The following WNT16 variants were observed in gnomAD, a reference collection of about 807,000 sequenced individuals.
WNT16 encodes the protein protein Wnt-16.
WNT16 carries 20 observed loss-of-function variants against 35.4 expected under a neutral mutation model. That is an observed-to-expected ratio of 0.56 (90% confidence interval 0.40 to 0.82). WNT16 has a LOEUF of 0.82. Among genes scored for constraint, WNT16 ranks in the 40% least tolerant of loss-of-function variants. The pLI is 0.00. For synonymous variants in WNT16, 180 were observed against 179.2 expected (o/e 1.00, Z -0.03); for missense variants, 461 against 466.0 (o/e 0.99, Z 0.10).
upstream of WNT16, among the ~76,000 whole-genome samples, chr7:121,328,483 G>A (rs1010170840): frequency 2.0e-5 from 3 of 152,186 alleles, no homozygotes; most frequent in Admixed American, 2.0e-4. Context: ...GTGATTGTAA[G>A]CCTGACAGCA....
intron 3 of WNT16, among the ~76,000 whole-genome samples, chr7:121,338,676 A>T (rs1322241440): frequency 2.0e-5 from 3 of 152,214 alleles, no homozygotes; most frequent in African/African-American, 7.2e-5. Context: ...AGGGTCAAGA[A>T]ATTTGGACAA....
chr7:121,329,789 C>T lies in WNT16; in HGVS notation c.318C>T (p.Ser106=), dbSNP rs756728684. The stretch of plus-strand genomic sequence containing the variant: ...CCACTACCGCCCCGATGGGCGCCAG[C>T]CCCCTCTTTGGCTACGAGCTGAGCA... ...AAATTAPMGA[S]PLFGYELSSG... is the part of the protein sequence containing the mutation. The change falls in exon 2 of 4, where the codon AGC becomes AGT. Residue 106 remains serine, a synonymous_variant. Transcript: ENST00000222462. 1.6e-4 allele frequency: 255 copies of T among 1,606,198 alleles called. No individual in the cohort carries two copies. The highest frequency in any genetic ancestry group is 2.0e-4 in the Non-Finnish European group (232 of 1,179,990).
chr7:121,329,495 A>G, intron 1 of WNT16, 72 bp from the exon 2 acceptor site: 1 of 1,598,920 alleles, frequency 6.3e-7, no homozygotes, highest in South Asian at 1.1e-5. Flanking sequence ...CCCTTAGACG[A>G]GTGACCTAAT....
intron 3 of WNT16, among the ~76,000 whole-genome samples, chr7:121,332,992 T>A (rs1793378479): frequency 6.6e-6 from 1 of 152,034 alleles, no homozygotes; most frequent in South Asian, 2.1e-4. Flanking sequence ...GTTGACTTAG[T>A]TGGCAATTCA....
At position 121,329,898 on chromosome 7, in the gene WNT16, T is replaced by G. The variant is rs1409416436; in HGVS notation, c.346+81T>G. On this transcript the variant is annotated intron_variant, in intron 2 of 3. Transcript: ENST00000222462. ...CGGTTCCTGCAAATAAAGTAAATAG[T>G]GCTACGTGGTCCTGTAGCTCTCTAA... is the stretch of plus-strand genomic sequence containing the variant. 3.2e-6 allele frequency: 5 copies of G among 1,540,292 alleles called. No homozygotes were observed. In the Admixed American group the frequency reaches 5.5e-5, roughly 17 times the overall value.
chr7:121,339,166 G>A lies in WNT16; in HGVS notation c.919G>A (p.Gly307Ser). 1 of 1,614,188 alleles carries A rather than the reference G, an allele frequency of 6.2e-7. No homozygotes were observed. ...GAAACTGGGAATCCCAGGGACACAAGGCAGAGAATGCAACCGTACATCAGA... is the reference window on the plus strand; with the variant it reads ...GAAACTGGGAATCCCAGGGACACAAAGCAGAGAATGCAACCGTACATCAGA... Reference protein sequence around the residue: ...DKKLGIPGTQGRECNRTSEGA... With the variant: ...DKKLGIPGTQSRECNRTSEGA... Residue 307 changes from glycine to serine, a missense_variant, in exon 4 of 4, where the codon GGC becomes AGC. Physicochemically the swap from Gly to Ser is moderately conservative, Grantham distance 56. Coordinates refer to ENST00000222462, the MANE Select transcript of WNT16 (RefSeq NM_057168.2).
chr7:121,328,700 C>T (rs1007889165), upstream of WNT16, among the ~76,000 whole-genome samples: 2 of 152,184 alleles, frequency 1.3e-5, no homozygotes, highest in African/African-American at 2.4e-5. Flanking sequence ...CAAACCCACG[C>T]TTTCCCCCAA....
chr7:121,340,164 C>T lies in WNT16; in HGVS notation c.*819C>T, dbSNP rs1175081013. The T allele has an allele frequency of 6.6e-6, 1 of 151,932 alleles. No individual in the cohort carries two copies. The highest frequency in any genetic ancestry group is 2.1e-4 in the South Asian group (1 of 4,812). 9.4% of individuals were successfully genotyped at this position (151,932 alleles called of 1,614,324 possible). A position where few individuals can be genotyped will look rare whatever the true frequency, so the allele number is the denominator to read the frequency against. ...ACCTCTGAGATACTGGGGGGAGGAT[C>T]CTGAAACATGCGGGAAAAGGAGAGG... On this transcript the variant is annotated 3_prime_UTR_variant, in exon 4 of 4. Coordinates refer to ENST00000222462, the MANE Select transcript of WNT16 (RefSeq NM_057168.2).
chr7:121,336,238 A>G (rs1333042591), intron 3 of WNT16, among the ~76,000 whole-genome samples: 1 of 151,974 alleles, frequency 6.6e-6, no homozygotes, highest in African/African-American at 2.4e-5. Context: ...ATATGTGTGT[A>G]TATATGCCCA....
At chr7:121,337,382 C>G (rs941588489) in intron 3 of WNT16, among the ~76,000 whole-genome samples, 3 of 152,174 alleles carry the variant, frequency 2.0e-5, no homozygotes, top group Admixed American at 2.0e-4. Context: ...GAAAACATAA[C>G]ATTCTGCAAA....
Position 121,339,145 on chromosome 7 carries a change from C to T in WNT16, c.898C>T (p.Leu300=). ...CAACTACTGTGTAGAAGATAAGAAA[C>T]TGGGAATCCCAGGGACACAAGGCAG... ...SPNYCVEDKK[L]GIPGTQGREC... The change falls in exon 4 of 4, where the codon CTG becomes TTG. Residue 300 remains leucine, a synonymous_variant. Transcript: ENST00000222462. 6.2e-7 allele frequency: 1 copy of T among 1,614,206 alleles called. No individual in the cohort carries two copies. The highest frequency in any genetic ancestry group is 2.2e-5 in the East Asian group (1 of 44,886).
At chr7:121,327,044 G>T (rs2116828451), upstream of WNT16, among the ~76,000 whole-genome samples, 2 of 152,296 alleles carry the variant, frequency 1.3e-5, no homozygotes, top group Middle Eastern at 6.8e-3. Flanking sequence ...AATGGCAGGG[G>T]TACAGCAATG....
intron 3 of WNT16, among the ~76,000 whole-genome samples, chr7:121,334,979 A>C (rs1793417057): frequency 6.6e-6 from 1 of 152,114 alleles, no homozygotes; most frequent in Non-Finnish European, 1.5e-5. Flanking sequence ...CTATTCCAAG[A>C]ATATTTATAA....
At position 121,333,719 on chromosome 7, in the gene WNT16, TAAAACAAG is replaced by T. The variant is rs1328250924; in HGVS notation, c.633+1763_633+1770del. 3.3e-5 allele frequency among the ~76,000 whole-genome samples: 5 copies of T among 152,034 alleles called. No individual in the cohort carries two copies. In the East Asian group the frequency reaches 9.6e-4, roughly 29 times the overall value. On this transcript the variant is annotated intron_variant, in intron 3 of 3. Coordinates refer to ENST00000222462, the MANE Select transcript of WNT16 (RefSeq NM_057168.2). ...AAGATTATTCAAATTAATATATTTTTAAAACAAGAAAACAAATAAACGAGTGTTTGTTA... is the reference window on the plus strand; with the variant it reads ...AAGATTATTCAAATTAATATATTTTTAAAACAAATAAACGAGTGTTTGTTA...
chr7:121,338,856 T>C lies in WNT16; in HGVS notation c.634-25T>C, dbSNP rs536733691. ...AGTAAAACACTTTATGATTGATAGT[T>C]GAACACAATTACTGTTGGTTTCAGG... On this transcript the variant is annotated intron_variant, in intron 3 of 3. Transcript: ENST00000222462. 10 of 1,594,206 alleles carry C rather than the reference T, an allele frequency of 6.3e-6. No homozygotes were observed. In the Middle Eastern group the frequency reaches 5.3e-4, roughly 84 times the overall value.
Position 121,338,957 on chromosome 7 carries a change from A to G in WNT16, c.710A>G (p.Lys237Arg). 1 of 1,614,172 alleles carries G rather than the reference A, an allele frequency of 6.2e-7. No individual in the cohort carries two copies. The highest frequency in any genetic ancestry group is 1.1e-5 in the South Asian group (1 of 91,078). Residue 237 changes from lysine to arginine, a missense_variant, in exon 4 of 4, where the codon AAA becomes AGA. By Grantham distance (26) the Lys-to-Arg change is conservative. Coordinates refer to ENST00000222462, the MANE Select transcript of WNT16 (RefSeq NM_057168.2). ...TCCTGTGCTGTGAAAACATGCTGGA[A>G]AACCATGTCTTCTTTTGAAAAGATT... ...SGSCAVKTCW[K>R]TMSSFEKIGH... is the part of the protein sequence containing the mutation.
intron 3 of WNT16, among the ~76,000 whole-genome samples, chr7:121,332,338 G>C (rs989224235): frequency 6.6e-6 from 1 of 151,788 alleles, no homozygotes; most frequent in African/African-American, 2.4e-5. Context: ...CACAATTTTG[G>C]TTCTCTAACT....
In WNT16 at chr7:121,331,689, A is replaced by G; in HGVS notation, c.358A>G (p.Thr120Ala). The change falls in exon 3 of 4, where the codon ACA becomes GCA. Residue 120 changes from threonine (T) to alanine (A), a missense_variant. By Grantham distance (58) the Thr-to-Ala change is moderately conservative. Coordinates refer to ENST00000222462, the MANE Select transcript of WNT16 (RefSeq NM_057168.2). The stretch of plus-strand genomic sequence containing the variant: ...TATATTTTTTCTAGGCACCAAAGAG[A>G]CAGCATTTATTTATGCTGTGATGGC... ...GYELSSGTKE[T>A]AFIYAVMAAG... is the part of the protein sequence containing the mutation. The G allele has an allele frequency of 6.2e-7, 1 of 1,604,942 alleles. No individual in the cohort carries two copies. Among genetic ancestry groups the G allele is most frequent in the African/African-American group, 1.3e-5 (1 of 74,882 alleles).
upstream of WNT16, among the ~76,000 whole-genome samples, chr7:121,327,349 CTTTTTTT>C (rs34420179): frequency 1.6e-5 from 2 of 121,554 alleles, no homozygotes; most frequent in Non-Finnish European, 3.4e-5. Context: ...CTATCTAATC[CTTTTTTT>C]TTTTTTTTTT....
Sources: allele counts gnomAD v4.1 joint callset (sites outside exome capture counted in the v4.1 genomes callset), GRCh38; gene constraint gnomAD v4.1.1; transcripts MANE v1.5; gene names NCBI Gene and HGNC (gene_info 2026-07-23, HGNC 2026-07-21).